TMOD4: variants seen among roughly 807,000 people sequenced by gnomAD.
TMOD4 encodes the protein tropomodulin 4.
In TMOD4, 34 loss-of-function variants were observed where a neutral mutation model predicts 45.4. The ratio of observed to expected loss-of-function variants is 0.75; its 90% CI spans 0.57 to 1.00. The LOEUF (loss-of-function observed/expected upper bound fraction) is 1.00. Ranked by LOEUF, TMOD4 falls within the 50% of genes least tolerant of loss-of-function variation. The pLI, the probability that TMOD4 is intolerant of heterozygous loss-of-function variation, is 0.00. For missense variants in TMOD4, 399 were observed against 437.5 expected (o/e 0.91, Z 0.78); for synonymous variants, 131 against 153.9 (o/e 0.85, Z 1.10).
Position 151,171,696 on chromosome 1 carries a change from C to T in TMOD4, c.555G>A (p.Glu185=). Residue 185 remains glutamate, a synonymous_variant, in exon 6 of 10, where the codon GAG becomes GAA. Coordinates refer to ENST00000295314, the MANE Select transcript of TMOD4 (RefSeq NM_013353.3). Reference sequence around the variant, plus strand: ...CATTGCTTCGGACCCTCTTTAGTATCTCCTCAATGTTTGTGGGATTTGGGG... The same window carrying T: ...CATTGCTTCGGACCCTCTTTAGTATTTCCTCAATGTTTGTGGGATTTGGGG... ...DEPPNPTNIE[E]ILKRVRSNDK... is the part of the protein sequence containing the mutation. 2.5e-6 allele frequency: 4 copies of T among 1,614,142 alleles called. No individual in the cohort carries two copies. Among genetic ancestry groups the T allele is most frequent in the Non-Finnish European group, 3.4e-6 (4 of 1,180,030 alleles).
In TMOD4 at chr1:151,171,144, AAC is replaced by A. The variant is rs1207304760; in HGVS notation, c.727-83_727-82del. 2.2e-5 allele frequency: 33 copies of A among 1,470,562 alleles called. No individual in the cohort carries two copies. The East Asian group carries it at 3.2e-4, about 14-fold the overall frequency. The allele number at this position is 1,470,562 out of a possible 1,614,324, so 91.1% of individuals were successfully genotyped here. On this transcript the variant is annotated intron_variant, in intron 7 of 9. Transcript: ENST00000295314. Reference sequence around the variant, plus strand: ...AAAGAAAGAACAGGAGCAAGAGGGAAACACAGCTCTTTGAGAAGAGTCTTTCA... The same window carrying A: ...AAAGAAAGAACAGGAGCAAGAGGGAAACAGCTCTTTGAGAAGAGTCTTTCA...
At position 151,173,575 on chromosome 1, in the gene TMOD4, C is replaced by T; in HGVS notation, c.321G>A (p.Glu107=). The T allele has an allele frequency of 6.2e-7, 1 of 1,614,230 alleles. No individual in the cohort carries two copies. The highest frequency in any genetic ancestry group is 8.5e-7 in the Non-Finnish European group (1 of 1,180,028). Residue 107 remains glutamate (E), a synonymous_variant, in exon 4 of 10, where the codon GAG becomes GAA. Transcript: ENST00000295314. The part of the protein sequence containing the change: ...YIQPKREIPA[E]EQITLEPELE... ...GCTCAGGCTCCAGGGTGATCTGCTC[C>T]TCTGCTGGGATTTCCCTCTTGGGCT... is the stretch of plus-strand genomic sequence containing the variant.
intron 3 of TMOD4, 103 bp downstream of exon 3, chr1:151,174,288 G>T: frequency 7.8e-7 from 1 of 1,283,870 alleles, no homozygotes; most frequent in Non-Finnish European, 1.1e-6. Context: ...GAGTCCCTAG[G>T]CAACTAGGAG....
intron 1 of TMOD4, chr1:151,175,130 G>T: frequency 2.2e-6 from 1 of 448,098 alleles, no homozygotes; most frequent in Non-Finnish European, 4.1e-6. Flanking sequence ...CTCTGGATGG[G>T]GATCCCAGAC....
intron 4 of TMOD4, among the ~76,000 whole-genome samples, 180 bp downstream of exon 4, chr1:151,173,319 G>A (rs1161163974): frequency 2.0e-5 from 3 of 152,092 alleles, no homozygotes; most frequent in Non-Finnish European, 4.4e-5. Context: ...TTGCTCTTGA[G>A]GTGTTATTAA....
At chr1:151,173,990 C>T (rs1301239820) in intron 3 of TMOD4, among the ~76,000 whole-genome samples, 1 of 151,222 alleles carries the variant, frequency 6.6e-6, no homozygotes, top group East Asian at 2.0e-4. Context: ...CTAAGGCGGG[C>T]AGATCACGAG....
intron 4 of TMOD4, among the ~76,000 whole-genome samples, chr1:151,172,968 C>T (rs1684004129): frequency 6.6e-6 from 1 of 152,082 alleles, no homozygotes; most frequent in African/African-American, 2.4e-5. Context: ...ACTACAGGCG[C>T]CCACCACCAC....
Position 151,170,668 on chromosome 1 carries a change from G to A in TMOD4, c.871-5C>T. ...TGCATCACCAGGCCACTGGCGCTGG[G>A]GGAGGGAGAGGCAAAAGCTGACAGT... On this transcript the variant is annotated splice_polypyrimidine_tract_variant and splice_region_variant and intron_variant, in intron 8 of 9. Coordinates refer to ENST00000295314, the MANE Select transcript of TMOD4 (RefSeq NM_013353.3). 2.5e-6 allele frequency: 4 copies of A among 1,613,846 alleles called. No homozygotes were observed. Among genetic ancestry groups the A allele is most frequent in the Non-Finnish European group, 3.4e-6 (4 of 1,179,946 alleles).
chr1:151,172,243 G>A, intron 5 of TMOD4, 25 bp downstream of exon 5: 1 of 1,589,378 alleles, frequency 6.3e-7, no homozygotes, highest in Non-Finnish European at 8.6e-7. Flanking sequence ...GAGCCCTGGG[G>A]ACCATGCTCC....
At position 151,170,019 on chromosome 1, in the gene TMOD4, G is replaced by C; in HGVS notation, c.*62C>G. ...AAGGGCTTTTATTTACAGGAAAGGA[G>C]GACAGATGAGGATTTAAGTGTCCAG... On this transcript the variant is annotated 3_prime_UTR_variant, in exon 10 of 10. Transcript: ENST00000295314. The C allele has an allele frequency of 6.3e-7, 1 of 1,588,238 alleles. No homozygotes were observed.
At chr1:151,172,176 A>T in intron 5 of TMOD4, 92 bp downstream of exon 5, 1 of 1,067,920 alleles carries the variant, frequency 9.4e-7, no homozygotes, top group African/African-American at 1.6e-5. Flanking sequence ...GTCCTCTCCC[A>T]GAATCATCAA....
At position 151,171,768 on chromosome 1, in the gene TMOD4, T is replaced by C; in HGVS notation, c.488-5A>G. On this transcript the variant is annotated splice_region_variant and splice_polypyrimidine_tract_variant and intron_variant, in intron 5 of 9. Coordinates refer to ENST00000295314, the MANE Select transcript of TMOD4 (RefSeq NM_013353.3). ...ACTTGTCAGGCTGTACCACACCTGG[T>C]GAATGAGGGCAGGAAGGGAACCCCA... The C allele has an allele frequency of 6.2e-7, 1 of 1,613,568 alleles. No homozygotes were observed. Among genetic ancestry groups the C allele is most frequent in the Non-Finnish European group, 8.5e-7 (1 of 1,179,800 alleles).
At chr1:151,171,807 A>T (rs1683967526) in intron 5 of TMOD4, 44 bp from the exon 6 acceptor site, 1 of 1,582,722 alleles carries the variant, frequency 6.3e-7, no homozygotes, top group African/African-American at 1.4e-5. Context: ...TGTTCCCCAT[A>T]ATCTCCTCCC....
In TMOD4 at chr1:151,175,034, G is replaced by A. The variant is rs79913403; in HGVS notation, c.-42-117C>T. On this transcript the variant is annotated intron_variant, in intron 1 of 9. Coordinates refer to ENST00000295314, the MANE Select transcript of TMOD4 (RefSeq NM_013353.3). ...GGATTGGATTTCTTGGAGATTAGAA[G>A]TCTAGTTGAGGATGGGAAGTGGGGA... 1.4e-3 allele frequency: 1,071 copies of A among 792,786 alleles called. 9 individuals carry two copies. The African/African-American group carries it at 0.016, about 12-fold the overall frequency. The allele number at this position is 792,786 out of a possible 1,614,324, so 49.1% of individuals were successfully genotyped here.
intron 5 of TMOD4, among the ~76,000 whole-genome samples, chr1:151,172,043 A>C (rs587712229): frequency 1.1e-4 from 16 of 152,172 alleles, no homozygotes; most frequent in African/African-American, 3.9e-4. Flanking sequence ...TATGTTGGCC[A>C]GGCTGGTCTT....
intron 1 of TMOD4, 80 bp from the exon 2 acceptor site, chr1:151,174,997 G>C (rs770219984): frequency 4.4e-6 from 5 of 1,147,372 alleles, no homozygotes; most frequent in Non-Finnish European, 6.3e-6. Context: ...CCAGCCAGGG[G>C]GGCAGAACAT....
Position 151,171,638 on chromosome 1 carries a change from T to C in TMOD4, c.613A>G (p.Ile205Val), listed in dbSNP as rs1683961683. 6.2e-7 allele frequency: 1 copy of C among 1,614,016 alleles called. No individual in the cohort carries two copies. Among genetic ancestry groups the C allele is most frequent in the Admixed American group, 1.7e-5 (1 of 60,000 alleles). ...KELEEVNLNN[I>V]QDIPIPMLSE... ...GGAGGATGCAAGTCAAATACCTGTA[T>C]ATTATTCAAGTTCACCTCCTCCAGC... Residue 205 changes from isoleucine (I) to valine (V), a missense_variant, in exon 6 of 10, where the codon ATA becomes GTA. By Grantham distance (29) the Ile-to-Val change is conservative (BLOSUM62 3). Transcript: ENST00000295314.
chr1:151,171,175 G>T, intron 7 of TMOD4, 112 bp from the exon 8 acceptor site: 1 of 1,243,648 alleles, frequency 8.0e-7, no homozygotes, highest in South Asian at 1.4e-5. Flanking sequence ...TCTTTCAGGT[G>T]CTGTAAATGG....
At chr1:151,171,833 CTTTTCTTTTT>C in intron 5 of TMOD4, 70 bp from the exon 6 acceptor site, 1 of 1,468,470 alleles carries the variant, frequency 6.8e-7, no homozygotes, top group Non-Finnish European at 9.0e-7. Context: ...GTTTTCTTTT[CTTTTCTTTTT>C]TTTTTTTTTT....
Sources: gnomAD v4.1 joint callset for allele counts (sites outside exome capture counted in the v4.1 genomes callset) on GRCh38, gnomAD v4.1.1 for gene constraint, MANE v1.5 for transcripts, NCBI Gene and HGNC (gene_info 2026-07-23, HGNC 2026-07-21) for gene names.